MTF1: variants seen among roughly 807,000 people sequenced by gnomAD.
The protein encoded by MTF1 is MRE-binding transcription factor.
MTF1 carries 22 observed loss-of-function variants against 70.4 expected under a neutral mutation model. That is an observed-to-expected ratio of 0.31 (90% CI 0.22 to 0.45). The LOEUF is 0.45. Ranked by LOEUF, MTF1 falls within the 20% of genes least tolerant of loss-of-function variation. The pLI is 1.00. For synonymous variants in MTF1, 333 were observed against 352.8 expected (o/e 0.94, Z 0.63); for missense variants, 649 against 922.0 (o/e 0.70, Z 3.83).
At chr1:37,820,704 A>ATTAT (rs1640897191) in intron 9 of MTF1, among the ~76,000 whole-genome samples, 1 of 152,214 alleles carries the variant, frequency 6.6e-6, no homozygotes, top group African/African-American at 2.4e-5. Flanking sequence ...GATACATGAC[A>ATTAT]TTATGCATTT....
intron 4 of MTF1, among the ~76,000 whole-genome samples, chr1:37,838,276 G>T (rs751494573): frequency 3.3e-5 from 5 of 152,126 alleles, no homozygotes; most frequent in Non-Finnish European, 7.3e-5. Flanking sequence ...CAAATTTGTG[G>T]TTTTTTGTCA....
intron 7 of MTF1, chr1:37,826,553 A>G (rs1432122881): frequency 6.6e-6 from 3 of 455,218 alleles, no homozygotes; most frequent in Non-Finnish European, 1.3e-5. Flanking sequence ...GATTACAAGT[A>G]TGAGCCACCA....
intron 2 of MTF1, among the ~76,000 whole-genome samples, chr1:37,851,544 T>C (rs1479488275): frequency 6.6e-6 from 1 of 152,234 alleles, no homozygotes; most frequent in Non-Finnish European, 1.5e-5. Context: ...CACTGATCCC[T>C]GGAAATTAGA....
chr1:37,838,039 T>G (rs1348902445), intron 4 of MTF1, among the ~76,000 whole-genome samples: 1 of 152,200 alleles, frequency 6.6e-6, no homozygotes, highest in Non-Finnish European at 1.5e-5. Context: ...GATATACATA[T>G]GTTGACATAT....
At chr1:37,842,907 G>A (rs1339235454) in intron 2 of MTF1, among the ~76,000 whole-genome samples, 1 of 152,208 alleles carries the variant, frequency 6.6e-6, no homozygotes, top group East Asian at 1.9e-4. Flanking sequence ...ACTAGTTTCA[G>A]CGGACTACTG....
At position 37,815,376 on chromosome 1, in the gene MTF1, T is replaced by C. The variant is rs780170871; in HGVS notation, c.2022A>G (p.Pro674=). Residue 674 remains proline, a synonymous_variant, in exon 11 of 11, where the codon CCA becomes CCG. Transcript: ENST00000373036. This position sits in a 1 kb window ranked among gnomAD's most constrained non-coding sequence, Gnocchi z 4.5. ...CAGGGGCTGAAGAGAAAGTCTGCGCTGGGAGCTGCAGGCTGGGCCCATCAG... is the reference window on the plus strand; with the variant it reads ...CAGGGGCTGAAGAGAAAGTCTGCGCCGGGAGCTGCAGGCTGGGCCCATCAG... ...QAPDGPSLQL[P]AQTFSSAPVP... is the part of the protein sequence containing the mutation. The C allele has an allele frequency of 1.9e-6, 3 of 1,613,890 alleles. No homozygotes were observed. Among genetic ancestry groups the C allele is most frequent in the Non-Finnish European group, 2.5e-6 (3 of 1,180,018 alleles).
chr1:37,818,888 G>A (rs1640864593), intron 9 of MTF1, among the ~76,000 whole-genome samples: 1 of 151,962 alleles, frequency 6.6e-6, no homozygotes, highest in Non-Finnish European at 1.5e-5. Context: ...AGCTACTCGG[G>A]AGGCTGAGGC....
intron 2 of MTF1, among the ~76,000 whole-genome samples, chr1:37,850,240 C>CAAAAA (rs5773605): frequency 4.5e-4 from 30 of 66,294 alleles, no homozygotes; most frequent in East Asian, 9.3e-4. Context: ...CTGTCTCAAC[C>CAAAAA]AAAAAAAAAA....
chr1:37,852,496 A>C (rs1278201378), intron 2 of MTF1, among the ~76,000 whole-genome samples: 1 of 152,204 alleles, frequency 6.6e-6, no homozygotes, highest in Non-Finnish European at 1.5e-5. Flanking sequence ...CTCTGTTAAA[A>C]TATCTACCAC....
chr1:37,851,932 C>A lies in MTF1; in HGVS notation c.408+5319G>T, dbSNP rs543783502. ...TCATCACTCACTCACTTCTTCATCA[C>A]TCAAAACCTGGCTTCAGCCCCAGTG... is the stretch of plus-strand genomic sequence containing the variant. On this transcript the variant is annotated intron_variant, in intron 2 of 10. Transcript: ENST00000373036. Among the ~76,000 whole-genome samples, 6 of 151,972 alleles carry A rather than the reference C, an allele frequency of 3.9e-5. No individual in the cohort carries two copies. The South Asian group carries it at 1.2e-3, about 32-fold the overall frequency.
At chr1:37,845,538 TTC>T (rs1405450508) in intron 2 of MTF1, among the ~76,000 whole-genome samples, 2 of 152,172 alleles carry the variant, frequency 1.3e-5, no homozygotes, top group African/African-American at 2.4e-5. Flanking sequence ...TAGATGGAGT[TTC>T]TCTCTGTCAC....
Position 37,823,733 on chromosome 1 carries a change from A to T in MTF1, c.1148T>A (p.Ile383Asn). 6.2e-7 allele frequency: 1 copy of T among 1,613,988 alleles called. No homozygotes were observed. ...ACCTGTCTGTTGAGGATCTTCCTGA[A>T]TTGCCGTATCATCTGAATTCTGGAA... ...SMFQNSDDTA[I>N]QEDPQQTASL... The change falls in exon 8 of 11, where the codon ATT (isoleucine) becomes AAT (asparagine). Residue 383 changes from isoleucine (I) to asparagine (N), a missense_variant. Ile to Asn is a moderately radical substitution (Grantham distance 149). Around this residue, in one of 7 missense-constraint regions of MTF1, gnomAD observed 267 missense variants for 292.1 expected, o/e 0.91. Transcript: ENST00000373036.
intron 1 of MTF1, 102 bp from the exon 2 acceptor site, chr1:37,857,811 A>G: frequency 1.6e-6 from 1 of 642,420 alleles, no homozygotes; most frequent in Non-Finnish European, 2.6e-6. Flanking sequence ...GAGCAAGCCA[A>G]AGCAAATGAA....
chr1:37,844,928 C>A (rs1641311131), intron 2 of MTF1, among the ~76,000 whole-genome samples: 1 of 152,162 alleles, frequency 6.6e-6, no homozygotes, highest in Admixed American at 6.5e-5. Context: ...AATTAAGATG[C>A]AATAATTACC....
chr1:37,847,821 C>A (rs1641356077), intron 2 of MTF1, among the ~76,000 whole-genome samples: 2 of 152,008 alleles, frequency 1.3e-5, no homozygotes, highest in South Asian at 4.2e-4. Flanking sequence ...CATAGCAAGA[C>A]CGCGACTCTC....
Position 37,815,692 on chromosome 1 carries a change from T to C in MTF1, c.1832-126A>G. Reference sequence around the variant, plus strand: ...ACCATGGGAAGGATGGTTGCCACACTTCGGGCTTCGTTCTGCTTTAAATTG... The same window carrying C: ...ACCATGGGAAGGATGGTTGCCACACCTCGGGCTTCGTTCTGCTTTAAATTG... On this transcript the variant is annotated intron_variant, in intron 10 of 10. Coordinates refer to ENST00000373036, the MANE Select transcript of MTF1 (RefSeq NM_005955.3). The surrounding 1 kb of genome is among the most constrained non-coding windows in gnomAD (Gnocchi z 4.5). The C allele has an allele frequency of 2.9e-6, 2 of 679,822 alleles. No individual in the cohort carries two copies. The highest frequency in any genetic ancestry group is 4.8e-6 in the Non-Finnish European group (2 of 419,948). 42.1% of individuals were successfully genotyped at this position (679,822 alleles called of 1,614,324 possible). A position where few individuals can be genotyped will look rare whatever the true frequency, so the allele number is the denominator to read the frequency against.
intron 2 of MTF1, among the ~76,000 whole-genome samples, chr1:37,850,840 G>A (rs1021912640): frequency 2.6e-5 from 4 of 152,084 alleles, no homozygotes; most frequent in African/African-American, 9.7e-5. Flanking sequence ...AGGCTAAAAT[G>A]TGACTCAGAA....
rs201482284 is a variant in MTF1 at position 37,815,194 on chromosome 1, A to G, written c.2204T>C (p.Ile735Thr). 3.8e-4 allele frequency: 620 copies of G among 1,614,016 alleles called. No homozygotes were observed. The highest frequency in any genetic ancestry group is 4.7e-4 in the Non-Finnish European group (559 of 1,180,034). ...CTCCTCCCCCTGCAGTAGTGCTTCA[A>G]TGGGAATCAGATTGGACGGGGTGTC... ...SLDTPSNLIPIEALLQGEEEM... is the reference protein window; with the variant it reads ...SLDTPSNLIPTEALLQGEEEM... Residue 735 changes from isoleucine to threonine, a missense_variant, in exon 11 of 11, where the codon ATT becomes ACT. Physicochemically the swap from Ile to Thr is moderately conservative, Grantham distance 89. Around this residue, in one of 7 missense-constraint regions of MTF1, gnomAD observed 138 missense variants for 134.4 expected, o/e 1.03. Transcript: ENST00000373036. The surrounding 1 kb of genome is among the most constrained non-coding windows in gnomAD (Gnocchi z 4.5).
intron 2 of MTF1, among the ~76,000 whole-genome samples, chr1:37,850,717 G>C (rs1641405049): frequency 6.6e-6 from 1 of 152,008 alleles, no homozygotes; most frequent in African/African-American, 2.4e-5. Context: ...GCAAGGTTCT[G>C]GTTGGTTTAT....
Sources: gnomAD v4.1 joint callset for allele counts (sites outside exome capture counted in the v4.1 genomes callset) on GRCh38, gnomAD v4.1.1 for gene constraint, gnomAD v4.1.1 regional missense constraint, Gnocchi (gnomAD v3.1) non-coding constraint, MANE v1.5 for transcripts, NCBI Gene and HGNC (gene_info 2026-07-23, HGNC 2026-07-21) for gene names.